MTRFR: variants seen among roughly 807,000 people sequenced by gnomAD.
MTRFR encodes probable peptide chain release factor C12orf65, mitochondrial.
In MTRFR, 10 loss-of-function variants were observed where a neutral mutation model predicts 11.9. That is an observed-to-expected ratio of 0.84 (90% CI 0.52 to 1.42). The LOEUF (loss-of-function observed/expected upper bound fraction) is 1.42, where lower values mean the gene tolerates loss of function less well. Ranked by LOEUF, MTRFR falls within the 40% of genes most tolerant of loss-of-function variation. The probability of loss-of-function intolerance (pLI) is 0.00; values close to 1 mark genes in which losing one functional copy is unlikely to be tolerated. For synonymous variants in MTRFR, 77 were observed against 79.1 expected (o/e 0.97, Z 0.14); for missense variants, 196 against 197.9 (o/e 0.99, Z 0.06).
At chr12:123,237,286 C>G (rs1454519898) in intron 1 of MTRFR, among the ~76,000 whole-genome samples, 2 of 152,022 alleles carry the variant, frequency 1.3e-5, no homozygotes, top group Non-Finnish European at 2.9e-5. Context: ...CAAAATTAGC[C>G]GGGCATGATG....
intron 1 of MTRFR, among the ~76,000 whole-genome samples, chr12:123,243,122 A>G (rs2047968904): frequency 6.6e-6 from 1 of 152,198 alleles, no homozygotes; most frequent in Admixed American, 6.6e-5. Flanking sequence ...TACACATTTC[A>G]TACACATTAA....
intron 1 of MTRFR, among the ~76,000 whole-genome samples, chr12:123,240,256 C>T (rs187480530): frequency 1.3e-5 from 2 of 150,588 alleles, no homozygotes; most frequent in African/African-American, 4.9e-5. Flanking sequence ...CACCTGTAAT[C>T]CCAGCTACTT....
At chr12:123,240,201 T>C (rs1385860182) in intron 1 of MTRFR, among the ~76,000 whole-genome samples, 2 of 61,650 alleles carry the variant, frequency 3.2e-5, no homozygotes, top group Admixed American at 2.4e-4. Flanking sequence ...CCATCTCTAT[T>C]AAAAATACAA....
At chr12:123,252,842 T>C (rs1220323079) in intron 1 of MTRFR, among the ~76,000 whole-genome samples, 1 of 151,876 alleles carries the variant, frequency 6.6e-6, no homozygotes, top group Non-Finnish European at 1.5e-5. Flanking sequence ...GGAGAATCAC[T>C]TGAACCTGGG....
chr12:123,252,252 T>C (rs1593286092), intron 1 of MTRFR: 1 of 152,132 alleles, frequency 6.6e-6, no homozygotes, highest in Admixed American at 6.5e-5. Context: ...CTGGGCAATA[T>C]GGCGAAACCC....
chr12:123,250,201 A>C (rs2048096688), intron 1 of MTRFR: 3 of 152,186 alleles, frequency 2.0e-5, no homozygotes, highest in Admixed American at 6.5e-5. Flanking sequence ...ATTTCTAAAA[A>C]TGTGTCCAAA....
chr12:123,256,923 A>C lies in MTRFR; in HGVS notation c.393A>C (p.Lys131Asn). The change falls in exon 3 of 3, where the codon AAA (lysine) becomes AAC (asparagine). Residue 131 changes from lysine to asparagine, a missense_variant. By Grantham distance (94) the Lys-to-Asn change is moderately conservative. Transcript: ENST00000253233. ...NGENSPVHKE[K>N]REAAKKKQER... ...AAAACAGTCCTGTTCACAAAGAAAA[A>C]CGAGAAGCGGCGAAGAAAAAACAAG... is the stretch of plus-strand genomic sequence containing the variant. The C allele has an allele frequency of 6.2e-7, 1 of 1,613,916 alleles. No individual in the cohort carries two copies. Among genetic ancestry groups the C allele is most frequent in the Non-Finnish European group, 8.5e-7 (1 of 1,179,970 alleles).
chr12:123,243,161 C>T (rs1032251032), intron 1 of MTRFR, among the ~76,000 whole-genome samples: 3 of 152,138 alleles, frequency 2.0e-5, no homozygotes, highest in Non-Finnish European at 4.4e-5. Flanking sequence ...GCACCACTTT[C>T]CTTGGCACAC....
At chr12:123,244,720 C>G (rs2048008428) in intron 1 of MTRFR, among the ~76,000 whole-genome samples, 1 of 151,980 alleles carries the variant, frequency 6.6e-6, no homozygotes, top group Non-Finnish European at 1.5e-5. Context: ...GCAACCTCCG[C>G]CTCATGGGTT....
chr12:123,254,132 T>G, intron 2 of MTRFR, 176 bp downstream of exon 2: 3 of 681,322 alleles, frequency 4.4e-6, no homozygotes, highest in Non-Finnish European at 7.3e-6. Context: ...CCCTGAGCCA[T>G]TCCTCCCTAA....
intron 1 of MTRFR, among the ~76,000 whole-genome samples, chr12:123,252,701 G>A (rs2138789722): frequency 6.6e-6 from 1 of 152,174 alleles, no homozygotes; most frequent in South Asian, 2.1e-4. Context: ...GAGGTGGGCA[G>A]ATCACCTGAG....
intron 1 of MTRFR, among the ~76,000 whole-genome samples, chr12:123,241,454 C>T (rs192723995): frequency 6.6e-6 from 1 of 152,298 alleles, no homozygotes; most frequent in African/African-American, 2.4e-5. Flanking sequence ...TCTCCTGCCT[C>T]AGTCCTCCCA....
At chr12:123,240,438 T>C (rs1244424665) in intron 1 of MTRFR, 1 of 152,156 alleles carries the variant, frequency 6.6e-6, no homozygotes. Flanking sequence ...AGGTGATTTG[T>C]ATGCACATTA....
chr12:123,239,406 TTTTG>T (rs1555235616), intron 1 of MTRFR, among the ~76,000 whole-genome samples: 7,887 of 87,746 alleles, frequency 0.09, 351 homozygotes, highest in East Asian at 0.56. Context: ...AGTTTTGTTT[TTTTG>T]TTTGTTTTTT....
At chr12:123,252,888 G>A (rs533239589) in intron 1 of MTRFR, among the ~76,000 whole-genome samples, 159 of 152,092 alleles carry the variant, frequency 1.0e-3, no homozygotes, top group African/African-American at 3.7e-3. Flanking sequence ...TCGCGCCATC[G>A]CACTCCAGCC....
chr12:123,241,815 C>CT (rs879651919), intron 1 of MTRFR, among the ~76,000 whole-genome samples: 2 of 152,126 alleles, frequency 1.3e-5, no homozygotes, highest in Non-Finnish European at 2.9e-5. Flanking sequence ...TGCAGATAGT[C>CT]TGTCTTGGTT....
chr12:123,252,904 G>A (rs563267781), intron 1 of MTRFR, among the ~76,000 whole-genome samples: 12 of 152,134 alleles, frequency 7.9e-5, no homozygotes, highest in East Asian at 1.9e-4. Context: ...CAGCCTGGGC[G>A]ACAGAGCGAG....
intron 1 of MTRFR, among the ~76,000 whole-genome samples, chr12:123,239,125 C>T (rs949799213): frequency 6.6e-6 from 1 of 152,028 alleles, no homozygotes; most frequent in African/African-American, 2.4e-5. Flanking sequence ...AAAAATTAGC[C>T]AGGCATGCTG....
At chr12:123,240,759 A>C (rs2047922145) in intron 1 of MTRFR, 1 of 132,102 alleles carries the variant, frequency 7.6e-6, no homozygotes. Context: ...TTTGAGAAAA[A>C]GTCTCACTCT....
Sources: gnomAD v4.1 joint callset for allele counts (sites outside exome capture counted in the v4.1 genomes callset) on GRCh38, gnomAD v4.1.1 for gene constraint, MANE v1.5 for transcripts, NCBI Gene and HGNC (gene_info 2026-07-23, HGNC 2026-07-21) for gene names.